Variants in TMEM135 observed in about 807,000 individuals in gnomAD.
TMEM135 encodes the protein peroxisomal membrane protein 52.
In TMEM135, 30 loss-of-function variants were observed where a neutral mutation model predicts 60.3. That is an observed-to-expected ratio of 0.50 (90% CI 0.37 to 0.68). The LOEUF is 0.68. Ranked by LOEUF, TMEM135 falls within the 30% of genes least tolerant of loss-of-function variation. The pLI is 0.00. For missense variants in TMEM135, 468 were observed against 548.8 expected (o/e 0.85, Z 1.47); for synonymous variants, 190 against 186.7 (o/e 1.02, Z -0.14).
chr11:87,101,041 G>A (rs991512091), intron 4 of TMEM135, among the ~76,000 whole-genome samples: 3 of 152,142 alleles, frequency 2.0e-5, no homozygotes, highest in African/African-American at 4.8e-5. Context: ...GTTAGTTAGT[G>A]TGTATTAGAG....
chr11:87,102,716 A>ATATGTATATATG (rs1857488185), intron 4 of TMEM135, among the ~76,000 whole-genome samples: 1 of 78,722 alleles, frequency 1.3e-5, no homozygotes, highest in Admixed American at 1.3e-4. Context: ...ATATATATGT[A>ATATGTATATATG]TATATATATA....
chr11:87,302,254 T>A, intron 7 of TMEM135, 42 bp from the exon 8 acceptor site: 1 of 1,603,516 alleles, frequency 6.2e-7, no homozygotes, highest in Non-Finnish European at 8.5e-7. Context: ...TCATTGACTA[T>A]TTTTAAGTGA....
chr11:87,266,389 C>A (rs904860922), intron 6 of TMEM135, among the ~76,000 whole-genome samples: 5 of 152,050 alleles, frequency 3.3e-5, no homozygotes, highest in African/African-American at 1.2e-4. Context: ...ACACTAGAGT[C>A]GTATTTGTCT....
intron 4 of TMEM135, among the ~76,000 whole-genome samples, chr11:87,135,512 G>T (rs1278277482): frequency 1.5e-5 from 1 of 64,876 alleles, no homozygotes; most frequent in African/African-American, 5.1e-5. Flanking sequence ...TTTTTTAACG[G>T]AATTACGTTT....
chr11:87,224,993 A>G (rs1374613265), intron 5 of TMEM135, among the ~76,000 whole-genome samples: 4 of 152,158 alleles, frequency 2.6e-5, no homozygotes, highest in African/African-American at 9.6e-5. Context: ...CTTCACTAGA[A>G]TAAATAAGGA....
chr11:87,057,823 G>GTA (rs1460485381), intron 1 of TMEM135, among the ~76,000 whole-genome samples: 36 of 152,114 alleles, frequency 2.4e-4, no homozygotes, highest in African/African-American at 8.2e-4. Flanking sequence ...GTGTTTGTGT[G>GTA]TGTGTATAAA....
intron 5 of TMEM135, among the ~76,000 whole-genome samples, chr11:87,158,571 C>A (rs776276002): frequency 6.6e-6 from 1 of 151,478 alleles, no homozygotes; most frequent in Non-Finnish European, 1.5e-5. Flanking sequence ...ATGCCATTCT[C>A]CTGCCTCAGC....
intron 5 of TMEM135, among the ~76,000 whole-genome samples, chr11:87,221,343 A>G (rs1450269208): frequency 6.6e-6 from 1 of 152,212 alleles, no homozygotes; most frequent in African/African-American, 2.4e-5. Flanking sequence ...TAGAAAGTTC[A>G]GTGAATACTT....
intron 1 of TMEM135, among the ~76,000 whole-genome samples, chr11:87,038,609 CTTTTTTTTT>C (rs3045930): frequency 8.8e-6 from 1 of 113,932 alleles, no homozygotes; most frequent in South Asian, 3.2e-4. Context: ...TTTTATTTTG[CTTTTTTTTT>C]TTTTTTTTTT....
intron 10 of TMEM135, among the ~76,000 whole-genome samples, chr11:87,310,967 G>A: frequency 6.6e-6 from 1 of 151,658 alleles, no homozygotes; most frequent in East Asian, 1.9e-4. Context: ...TTGTAGATGA[G>A]ATTTGCCTAC....
At chr11:87,241,983 T>C (rs910974184) in intron 6 of TMEM135, among the ~76,000 whole-genome samples, 3 of 151,938 alleles carry the variant, frequency 2.0e-5, no homozygotes, top group Non-Finnish European at 2.9e-5. Flanking sequence ...TTAGGAGATA[T>C]ACCTAATGCT....
At chr11:87,314,629 C>A in intron 12 of TMEM135, 82 bp downstream of exon 12, 1 of 1,093,544 alleles carries the variant, frequency 9.1e-7, no homozygotes, top group Non-Finnish European at 1.4e-6. Context: ...AAATGTATAT[C>A]CCAATGGCAA....
chr11:87,049,943 G>T (rs1258113437), intron 1 of TMEM135, among the ~76,000 whole-genome samples: 1 of 86,370 alleles, frequency 1.2e-5, no homozygotes, highest in Non-Finnish European at 2.2e-5. Flanking sequence ...AAATGTAAAA[G>T]AACAGAAATT....
At chr11:87,113,616 A>G (rs1435194982) in intron 4 of TMEM135, among the ~76,000 whole-genome samples, 1 of 152,106 alleles carries the variant, frequency 6.6e-6, no homozygotes, top group Non-Finnish European at 1.5e-5. Flanking sequence ...TGGAAAGAAA[A>G]CTGATTCTAT....
At chr11:87,070,007 TAA>T (rs58046118) in intron 2 of TMEM135, among the ~76,000 whole-genome samples, 59 of 141,612 alleles carry the variant, frequency 4.2e-4, no homozygotes, top group African/African-American at 5.4e-4. Flanking sequence ...CTCTGCCTGT[TAA>T]AAAAAAAAAA....
At chr11:87,250,832 G>T (rs921236709) in intron 6 of TMEM135, among the ~76,000 whole-genome samples, 1 of 152,184 alleles carries the variant, frequency 6.6e-6, no homozygotes, top group African/African-American at 2.4e-5. Context: ...AGATTTTATT[G>T]TAAAGGGATT....
intron 4 of TMEM135, among the ~76,000 whole-genome samples, chr11:87,118,363 A>G (rs1455861834): frequency 6.6e-6 from 1 of 152,134 alleles, no homozygotes; most frequent in Non-Finnish European, 1.5e-5. Context: ...CTTCCAATGT[A>G]AGGCTCCTTT....
chr11:87,274,786 C>CTG (rs10655114), intron 6 of TMEM135, among the ~76,000 whole-genome samples: 14,234 of 129,098 alleles, frequency 0.11, 991 homozygotes, highest in African/African-American at 0.22. Context: ...CATAGCAAGA[C>CTG]TGTGTGTGTG....
intron 1 of TMEM135, among the ~76,000 whole-genome samples, chr11:87,053,701 C>G (rs1949864242): frequency 6.6e-6 from 1 of 152,140 alleles, no homozygotes; most frequent in African/African-American, 2.4e-5. Flanking sequence ...GTGGTTGATG[C>G]TTTGATGATT....
Sources: gnomAD v4.1 joint callset for allele counts (sites outside exome capture counted in the v4.1 genomes callset) on GRCh38, gnomAD v4.1.1 for gene constraint, MANE v1.5 for transcripts, NCBI Gene and HGNC (gene_info 2026-07-23, HGNC 2026-07-21) for gene names.